The following CA13 variants were observed in gnomAD, a reference collection of about 807,000 sequenced individuals.
CA13 encodes the protein CA-XIII.
In CA13, 21 loss-of-function variants were observed where a neutral mutation model predicts 31.5. That is an observed-to-expected ratio of 0.67 (90% confidence interval 0.47 to 0.96). The LOEUF (loss-of-function observed/expected upper bound fraction) is 0.96. CA13 is among the 40% of genes least tolerant of loss of function. CA13 has a pLI of 0.00. For missense variants in CA13, 315 were observed against 318.9 expected (o/e 0.99, Z 0.09); for synonymous variants, 117 against 111.4 (o/e 1.05, Z -0.32).
Position 85,245,655 on chromosome 8 carries a change from C to T in CA13, c.-174C>T. 1.4e-6 allele frequency: 1 copy of T among 697,638 alleles called. No homozygotes were observed. The allele number at this position is 697,638 out of a possible 1,614,324, so 43.2% of individuals were successfully genotyped here. On this transcript the variant is annotated 5_prime_UTR_variant, in exon 1 of 7. Coordinates refer to ENST00000321764, the MANE Select transcript of CA13 (RefSeq NM_198584.3). ...GCGCGGGCGCCTTCCCCGCACGCCT[C>T]TGCCGTCTGGAGGACGCAGGCGGGA... is the stretch of plus-strand genomic sequence containing the variant.
In CA13 at chr8:85,250,871, G is replaced by A. The variant is rs1253281632; in HGVS notation, c.169G>A (p.Ala57Thr). Reference protein sequence around the residue: ...PLSIKYDPSSAKIISNSGHSF... With the variant: ...PLSIKYDPSSTKIISNSGHSF... ...TAGTATCAAGTATGACCCAAGCTCA[G>A]CTAAAATCATCAGCAACAGCGGCCA... The change falls in exon 2 of 7, where the codon GCT becomes ACT. Residue 57 changes from alanine (A) to threonine (T), a missense_variant. Ala to Thr is a moderately conservative substitution (Grantham distance 58, BLOSUM62 0). Transcript: ENST00000321764. The A allele has an allele frequency of 1.2e-6, 2 of 1,614,042 alleles. No individual in the cohort carries two copies. Among genetic ancestry groups the A allele is most frequent in the South Asian group, 1.1e-5 (1 of 91,078 alleles).
intron 2 of CA13, among the ~76,000 whole-genome samples, chr8:85,254,772 G>GTTTTTTTTTTTTTTTTTTTTTTGTTTTT (rs10658651): frequency 4.1e-5 from 5 of 122,652 alleles, no homozygotes; most frequent in African/African-American, 1.2e-4. Flanking sequence ...AGTTAAACAA[G>GTTTTTTTTTTTTTTTTTTTTTTGTTTTT]TTTTTTTTTT....
At position 85,281,233 on chromosome 8, in the gene CA13, G is replaced by A. The variant is rs1807700038; in HGVS notation, c.673G>A (p.Ala225Thr). ...QPINISSQQL[A>T]KFRSLLCTAE... ...TAACTCTTTTCTTCTTCTACAGCTG[G>A]CCAAATTTCGCAGTCTCCTGTGCAC... The change falls in exon 7 of 7, where the codon GCC becomes ACC. Residue 225 changes from alanine to threonine, a missense_variant. Transcript: ENST00000321764. 6.2e-7 allele frequency: 1 copy of A among 1,612,416 alleles called. No homozygotes were observed. Among genetic ancestry groups the A allele is most frequent in the South Asian group, 1.1e-5 (1 of 90,920 alleles).
intron 1 of CA13, among the ~76,000 whole-genome samples, chr8:85,247,596 G>A (rs1813754640): frequency 1.3e-5 from 2 of 152,006 alleles, no homozygotes; most frequent in South Asian, 4.1e-4. Context: ...TTTGAGATGA[G>A]TCTTGCTCTG....
At chr8:85,259,258 C>A (rs961753412) in intron 2 of CA13, among the ~76,000 whole-genome samples, 163 bp from the exon 3 acceptor site, 1 of 152,158 alleles carries the variant, frequency 6.6e-6, no homozygotes, top group Non-Finnish European at 1.5e-5. Context: ...TCAATCTACA[C>A]ATATTTAAAA....
rs1222094307 is a variant in CA13, at chr8:85,268,858, T to C, written c.669+231T>C. ...ATGTACATAGCGACACTGATGAAAGTAAAGCATCATTTTGAGCACTATAAT... is the reference window on the plus strand; with the variant it reads ...ATGTACATAGCGACACTGATGAAAGCAAAGCATCATTTTGAGCACTATAAT... On this transcript the variant is annotated intron_variant, in intron 6 of 6. Transcript: ENST00000321764. Among the ~76,000 whole-genome samples, 9 of 152,200 alleles carry C rather than the reference T, an allele frequency of 5.9e-5. 1 individual carries two copies. Among genetic ancestry groups the C allele is most frequent in the Non-Finnish European group, 8.8e-5 (6 of 68,022 alleles).
At chr8:85,246,479 G>A (rs1813732840) in intron 1 of CA13, 2 of 455,928 alleles carry the variant, frequency 4.4e-6, no homozygotes, top group Admixed American at 2.4e-5. Flanking sequence ...TTCTCGCTGG[G>A]AAATTAAGTT....
rs1182380223 is a variant in CA13, at chr8:85,283,028, G to A, written c.*1679G>A. On this transcript the variant is annotated 3_prime_UTR_variant, in exon 7 of 7. Coordinates refer to ENST00000321764, the MANE Select transcript of CA13 (RefSeq NM_198584.3). ...CAACCTCCATCTCCCGGGTTCAAAT[G>A]ATTCTCCTGCCTCAGCCTCTTGAGT... The A allele has an allele frequency of 2.0e-5, 3 of 151,974 alleles. No homozygotes were observed. Among genetic ancestry groups the A allele is most frequent in the Non-Finnish European group, 4.4e-5 (3 of 68,052 alleles). 9.4% of individuals were successfully genotyped at this position (151,974 alleles called of 1,614,324 possible). A position where few individuals can be genotyped will look rare whatever the true frequency, so the allele number is the denominator to read the frequency against.
At chr8:85,254,935 T>C (rs1807268637) in intron 2 of CA13, among the ~76,000 whole-genome samples, 1 of 152,108 alleles carries the variant, frequency 6.6e-6, no homozygotes, top group Non-Finnish European at 1.5e-5. Context: ...ACCTCAGGCA[T>C]GTCAATAAAC....
intron 1 of CA13, among the ~76,000 whole-genome samples, chr8:85,247,752 G>A (rs148408344): frequency 1.3e-5 from 2 of 152,052 alleles, no homozygotes; most frequent in African/African-American, 4.8e-5. Flanking sequence ...TGTATTTTTA[G>A]TAGAGACAAG....
chr8:85,250,822 A>G lies in CA13; in HGVS notation c.120A>G (p.Lys40=). ...SPIEIKTKEV[K]YDSSLRPLSI... Reference sequence around the variant, plus strand: ...TTGAGATTAAAACCAAAGAAGTGAAATATGACTCTTCCCTCCGACCACTTA... The same window carrying G: ...TTGAGATTAAAACCAAAGAAGTGAAGTATGACTCTTCCCTCCGACCACTTA... The change falls in exon 2 of 7, where the codon AAA becomes AAG. Residue 40 remains lysine (K), a synonymous_variant. Coordinates refer to ENST00000321764, the MANE Select transcript of CA13 (RefSeq NM_198584.3). 1 of 1,613,978 alleles carries G rather than the reference A, an allele frequency of 6.2e-7. No homozygotes were observed. The highest frequency in any genetic ancestry group is 8.5e-7 in the Non-Finnish European group (1 of 1,179,906).
intron 6 of CA13, among the ~76,000 whole-genome samples, chr8:85,280,408 C>T (rs964501111): frequency 5.9e-5 from 9 of 152,134 alleles, no homozygotes; most frequent in African/African-American, 1.9e-4. Context: ...AAGGACCTCT[C>T]TCTCCTCTGC....
intron 4 of CA13, 55 bp downstream of exon 4, chr8:85,266,758 C>T: frequency 7.3e-7 from 1 of 1,366,064 alleles, no homozygotes; most frequent in Admixed American, 1.8e-5. Flanking sequence ...GAAAGAGCTT[C>T]AGTCACGAAG....
At chr8:85,262,165 GCTT>G (rs767716973) in intron 3 of CA13, among the ~76,000 whole-genome samples, 43 of 152,118 alleles carry the variant, frequency 2.8e-4, no homozygotes, top group Non-Finnish European at 5.6e-4. Flanking sequence ...AGGGATGATT[GCTT>G]CTTATTTCAT....
In CA13 at chr8:85,283,499, G is replaced by A. The variant is rs1374819910; in HGVS notation, c.*2150G>A. 6.6e-6 allele frequency: 1 copy of A among 152,524 alleles called. No homozygotes were observed. The highest frequency in any genetic ancestry group is 1.9e-4 in the East Asian group (1 of 5,194). The allele number at this position is 152,524 out of a possible 1,614,324, so 9.4% of individuals were successfully genotyped here. On this transcript the variant is annotated 3_prime_UTR_variant, in exon 7 of 7. Coordinates refer to ENST00000321764, the MANE Select transcript of CA13 (RefSeq NM_198584.3). ...CTGCTTGAAATTAAATGCACTATAAGTTAATATAACAAGTAAAATACATTG... is the reference window on the plus strand; with the variant it reads ...CTGCTTGAAATTAAATGCACTATAAATTAATATAACAAGTAAAATACATTG...
chr8:85,268,729 T>C, intron 6 of CA13, 102 bp downstream of exon 6: 1 of 1,000,288 alleles, frequency 1.0e-6, no homozygotes. Context: ...TGTTTTGAAG[T>C]CTGTTTTCTC....
intron 1 of CA13, chr8:85,246,161 A>G (rs1813725840): frequency 1.8e-6 from 1 of 542,552 alleles, no homozygotes; most frequent in Non-Finnish European, 3.3e-6. Flanking sequence ...AAAGCCAAGG[A>G]CTTTGCCTAG....
intron 2 of CA13, 146 bp from the exon 3 acceptor site, chr8:85,259,275 T>C (rs553827456): frequency 9.3e-5 from 60 of 648,372 alleles, no homozygotes; most frequent in Non-Finnish European, 1.6e-4. Context: ...AAAAGTGGTA[T>C]TCTTGTCAGC....
chr8:85,245,856 G>A lies in CA13; in HGVS notation c.28G>A (p.Glu10Lys), dbSNP rs921516691. The part of the protein sequence containing the change: MSRLSWGYR[E>K]HNGPIHWKEF... ...GTCGAGGCTCAGCTGGGGATACCGC[G>A]AGCACAACGGTGAGCGCCTTTTCCT... The change falls in exon 1 of 7, where the codon GAG becomes AAG. Residue 10 changes from glutamate (E) to lysine (K), a missense_variant. Glu to Lys is a moderately conservative substitution (Grantham distance 56). Coordinates refer to ENST00000321764, the MANE Select transcript of CA13 (RefSeq NM_198584.3). 3.1e-6 allele frequency: 5 copies of A among 1,614,158 alleles called. No individual in the cohort carries two copies. The highest frequency in any genetic ancestry group is 1.1e-5 in the South Asian group (1 of 91,074).
Sources: gnomAD v4.1 joint callset for allele counts (sites outside exome capture counted in the v4.1 genomes callset) on GRCh38, gnomAD v4.1.1 for gene constraint, MANE v1.5 for transcripts, NCBI Gene and HGNC (gene_info 2026-07-23, HGNC 2026-07-21) for gene names.